Variants in AKAP13 observed in about 807,000 individuals in gnomAD.
AKAP13 encodes A-kinase anchor protein 13.
Under a neutral mutation model 264.5 loss-of-function variants are expected in AKAP13, and 80 were observed. That is an observed-to-expected ratio of 0.30 (90% confidence interval 0.25 to 0.36). The LOEUF is 0.36. Among genes scored for constraint, AKAP13 ranks in the 10% least tolerant of loss-of-function variants. The pLI, the probability that AKAP13 is intolerant of heterozygous loss-of-function variation, is 1.00. For synonymous variants in AKAP13, 1,380 were observed against 1,250.2 expected, an observed-to-expected ratio of 1.10 and a Z score of -2.19; for missense variants, 3,712 against 3,435.2, an observed-to-expected ratio of 1.08 and a Z score of -2.01.
chr15:85,595,747 G>A (rs1005492321), intron 8 of AKAP13, among the ~76,000 whole-genome samples: 20 of 152,086 alleles, frequency 1.3e-4, no homozygotes, highest in African/African-American at 4.6e-4. Flanking sequence ...TCAGCCCTTC[G>A]AAGATCATAG....
intron 2 of AKAP13, among the ~76,000 whole-genome samples, chr15:85,507,383 C>CAAA (rs35886054): frequency 0.26 from 35,251 of 137,348 alleles, 5,660 homozygotes; most frequent in Middle Eastern, 0.45. Flanking sequence ...TTTGTGCTAC[C>CAAA]AAAAAAAAAA....
At chr15:85,423,534 TC>T (rs2150905488) in intron 1 of AKAP13, among the ~76,000 whole-genome samples, 1 of 152,358 alleles carries the variant, frequency 6.6e-6, no homozygotes, top group African/African-American at 2.4e-5. Flanking sequence ...AGGCTCCACT[TC>T]CAATTCTAAT....
chr15:85,539,414 G>T (rs919523657), intron 4 of AKAP13, among the ~76,000 whole-genome samples: 8 of 152,064 alleles, frequency 5.3e-5, no homozygotes, highest in African/African-American at 1.7e-4. Flanking sequence ...TGGGACTTTA[G>T]GTTTTTTAAG....
intron 16 of AKAP13, among the ~76,000 whole-genome samples, chr15:85,685,643 G>T (rs1282025231): frequency 6.6e-6 from 1 of 152,088 alleles, no homozygotes; most frequent in African/African-American, 2.4e-5. Flanking sequence ...GTCATGTTGT[G>T]CCATCGTGCT....
intron 5 of AKAP13, among the ~76,000 whole-genome samples, chr15:85,545,111 C>A (rs716400): frequency 0.32 from 48,896 of 151,994 alleles, 7,938 homozygotes; most frequent in South Asian, 0.42. Flanking sequence ...GGGCACTTAT[C>A]TCAAATGAGC....
intron 1 of AKAP13, among the ~76,000 whole-genome samples, chr15:85,437,392 C>G (rs1420731832): frequency 6.6e-6 from 1 of 152,214 alleles, no homozygotes; most frequent in African/African-American, 2.4e-5. Flanking sequence ...ACCAGAGACA[C>G]AAGGAGGAAC....
intron 14 of AKAP13, among the ~76,000 whole-genome samples, chr15:85,681,659 C>G (rs987410726): frequency 1.4e-5 from 2 of 144,102 alleles, no homozygotes; most frequent in African/African-American, 5.1e-5. Flanking sequence ...GATAAGCCAG[C>G]TCTGATGCTC....
rs59420326 is a variant in AKAP13, at chr15:85,498,199, GATATATAT to G, written c.33+12467_33+12474del. ...TGGTAGTAAGGATTAAATGAAGTGAGATATATATATATATATATATATATATATCACAT... is the reference window on the plus strand; with the variant it reads ...TGGTAGTAAGGATTAAATGAAGTGAGATATATATATATATATATATCACAT... On this transcript the variant is annotated intron_variant, in intron 2 of 36. Coordinates refer to ENST00000394518, the MANE Select transcript of AKAP13 (RefSeq NM_007200.5). Among the ~76,000 whole-genome samples, 950 of 132,948 alleles carry G rather than the reference GATATATAT, an allele frequency of 7.1e-3. 30 individuals are homozygous for G. The highest frequency in any genetic ancestry group is 0.025 in the East Asian group (72 of 2,870). The allele number at this position is 132,948 out of a possible 152,430, so 87.2% of individuals were successfully genotyped here.
rs556726817 is a variant in AKAP13, at chr15:85,479,267, C to T, written c.-11-6443C>T. On this transcript the variant is annotated intron_variant, in intron 1 of 36. Transcript: ENST00000394518. ...TTTTTATAGCCACCAGCCCAGGCTC[C>T]GTGGGTTGAAGGAAAGAGTTTTTGG... Among the ~76,000 whole-genome samples the T allele has an allele frequency of 8.5e-5, 13 of 152,278 alleles. 1 individual carries two copies. The South Asian group carries it at 2.7e-3, about 32-fold the overall frequency.
At chr15:85,489,434 T>C (rs1486435859) in intron 2 of AKAP13, among the ~76,000 whole-genome samples, 1 of 152,012 alleles carries the variant, frequency 6.6e-6, no homozygotes, top group Non-Finnish European at 1.5e-5. Flanking sequence ...TAACAGTGTA[T>C]TGGATTCTCA....
intron 1 of AKAP13, among the ~76,000 whole-genome samples, chr15:85,384,414 G>T (rs2150781063): frequency 6.6e-6 from 1 of 152,294 alleles, no homozygotes; most frequent in South Asian, 2.1e-4. Flanking sequence ...AAAGCTGTGG[G>T]TGGAAGAAAG....
intron 8 of AKAP13, among the ~76,000 whole-genome samples, 156 bp from the exon 9 acceptor site, chr15:85,639,218 T>C (rs966745704): frequency 1.3e-5 from 2 of 152,222 alleles, no homozygotes; most frequent in African/African-American, 2.4e-5. Flanking sequence ...TGTGGTAATA[T>C]TGTGAAAAAA....
At chr15:85,514,449 T>G (rs1180168767) in intron 2 of AKAP13, among the ~76,000 whole-genome samples, 1 of 138,270 alleles carries the variant, frequency 7.2e-6, no homozygotes, top group African/African-American at 2.9e-5. Context: ...TTCATTGTTT[T>G]CTGTCAAAAC....
At chr15:85,731,021 T>TTG (rs2087972481) in intron 30 of AKAP13, among the ~76,000 whole-genome samples, 1 of 130,114 alleles carries the variant, frequency 7.7e-6, no homozygotes, top group African/African-American at 2.8e-5. Context: ...TTTTTTTTTT[T>TTG]GGCAGGATCT....
chr15:85,686,766 G>A (rs1462053753), intron 16 of AKAP13, among the ~76,000 whole-genome samples: 1 of 152,134 alleles, frequency 6.6e-6, no homozygotes, highest in Non-Finnish European at 1.5e-5. Flanking sequence ...CTTGGACAGA[G>A]CAATATAAAT....
intron 1 of AKAP13, among the ~76,000 whole-genome samples, chr15:85,470,215 G>A (rs763603638): frequency 6.6e-6 from 1 of 152,230 alleles, no homozygotes; most frequent in Non-Finnish European, 1.5e-5. Context: ...CTTGAACCCA[G>A]AAGGCGGAGG....
intron 33 of AKAP13, 29 bp from the exon 34 acceptor site, chr15:85,740,193 C>G (rs373344241): frequency 1.9e-6 from 3 of 1,613,744 alleles, no homozygotes; most frequent in East Asian, 4.5e-5. Context: ...AGCCCTGAAA[C>G]GAATGTTTCC....
intron 26 of AKAP13, among the ~76,000 whole-genome samples, chr15:85,723,995 G>T (rs1239485231): frequency 2.0e-5 from 3 of 151,832 alleles, no homozygotes; most frequent in Non-Finnish European, 4.4e-5. Context: ...GATTTTTTTT[G>T]TTTGTTTTCA....
intron 8 of AKAP13, among the ~76,000 whole-genome samples, chr15:85,612,694 G>A (rs1263260222): frequency 6.6e-6 from 1 of 151,880 alleles, no homozygotes; most frequent in Non-Finnish European, 1.5e-5. Context: ...GTAGTGACAC[G>A]TGCCTATAAT....
Sources: gnomAD v4.1 joint callset for allele counts (sites outside exome capture counted in the v4.1 genomes callset) on GRCh38, gnomAD v4.1.1 for gene constraint, MANE v1.5 for transcripts, NCBI Gene and HGNC (gene_info 2026-07-23, HGNC 2026-07-21) for gene names.